Variants in KCNB2 observed in about 807,000 individuals in gnomAD.
The protein encoded by KCNB2 is potassium voltage-gated channel subfamily B member 2.
Under a neutral mutation model 61.5 loss-of-function variants are expected in KCNB2, and 15 were observed. That is an observed-to-expected ratio of 0.24 (90% CI 0.16 to 0.38). KCNB2 has a LOEUF of 0.38. Ranked by LOEUF, KCNB2 falls within the 10% of genes least tolerant of loss-of-function variation. KCNB2 has a pLI of 1.00. For missense variants in KCNB2, 828 were observed against 1,125.2 expected (o/e 0.74, Z 3.78); for synonymous variants, 457 against 446.0 (o/e 1.02, Z -0.31).
At chr8:72,835,955 T>C (rs1177667383) in intron 2 of KCNB2, among the ~76,000 whole-genome samples, 1 of 152,244 alleles carries the variant, frequency 6.6e-6, no homozygotes, top group African/African-American at 2.4e-5. Context: ...ACTGCCTTTT[T>C]CCTTGTCTTT....
rs533945132 is a variant in KCNB2, at chr8:72,580,303, A to T, written c.579+11990A>T. On this transcript the variant is annotated intron_variant, in intron 2 of 2. Transcript: ENST00000523207. ...ACACATCATTAATTGTATTACAGAG[A>T]TTAGAGAGTTGAAACCCAGAAATAT... Among the ~76,000 whole-genome samples the T allele has an allele frequency of 5.9e-5, 9 of 152,308 alleles. No homozygotes were observed. The South Asian group carries it at 1.7e-3, about 28-fold the overall frequency.
At chr8:72,619,228 G>A in intron 2 of KCNB2, 1 of 586,402 alleles carries the variant, frequency 1.7e-6, no homozygotes, top group Non-Finnish European at 3.4e-6. Context: ...AGCTAGTGAG[G>A]TATCTTTAGT....
intron 2 of KCNB2, among the ~76,000 whole-genome samples, chr8:72,816,583 C>T (rs1809400197): frequency 6.6e-6 from 1 of 152,170 alleles, no homozygotes; most frequent in Admixed American, 6.5e-5. Flanking sequence ...TTTAATCAGA[C>T]TATGTAGATG....
intron 2 of KCNB2, among the ~76,000 whole-genome samples, chr8:72,764,742 T>C (rs1388955401): frequency 1.3e-5 from 2 of 152,214 alleles, no homozygotes; most frequent in Non-Finnish European, 1.5e-5. Flanking sequence ...CAATTCCTGA[T>C]TGCTTATGCA....
chr8:72,672,509 C>G (rs1822063), intron 2 of KCNB2, among the ~76,000 whole-genome samples: 65,676 of 151,972 alleles, frequency 0.43, 17,913 homozygotes, highest in East Asian at 0.76. Context: ...GCACCATAAG[C>G]CTTTGGGCAA....
intron 1 of KCNB2, among the ~76,000 whole-genome samples, chr8:72,547,177 C>G (rs1292703286): frequency 6.6e-6 from 1 of 152,202 alleles, no homozygotes; most frequent in Non-Finnish European, 1.5e-5. Flanking sequence ...TTAGAACCTA[C>G]TGCTTATGAA....
chr8:72,545,412 A>G (rs1563518815), intron 1 of KCNB2, among the ~76,000 whole-genome samples: 1 of 152,154 alleles, frequency 6.6e-6, no homozygotes, highest in African/African-American at 2.4e-5. Context: ...TCTGTGTCAC[A>G]TTTTGGTAAT....
chr8:72,730,115 A>G (rs934246882), intron 2 of KCNB2, among the ~76,000 whole-genome samples: 8 of 152,094 alleles, frequency 5.3e-5, no homozygotes, highest in African/African-American at 1.9e-4. Flanking sequence ...GAAGCCCCCA[A>G]TTCTGTCTGC....
At chr8:72,802,111 C>T (rs1809142555) in intron 2 of KCNB2, among the ~76,000 whole-genome samples, 1 of 152,154 alleles carries the variant, frequency 6.6e-6, no homozygotes, top group African/African-American at 2.4e-5. Flanking sequence ...CAGAACTTGA[C>T]TTGCTTCTTT....
At chr8:72,884,221 C>T (rs994067803) in intron 2 of KCNB2, among the ~76,000 whole-genome samples, 10 of 152,116 alleles carry the variant, frequency 6.6e-5, no homozygotes, top group African/African-American at 2.4e-4. Flanking sequence ...TTTCTCACAC[C>T]ATAGATTGTC....
At chr8:72,572,587 TCACACAGACA>T (rs983243817) in intron 2 of KCNB2, among the ~76,000 whole-genome samples, 2 of 151,162 alleles carry the variant, frequency 1.3e-5, no homozygotes, top group African/African-American at 4.9e-5. Flanking sequence ...TCTCTCTCTC[TCACACAGACA>T]CACACAGACA....
At chr8:72,603,238 A>G (rs1249923963) in intron 2 of KCNB2, among the ~76,000 whole-genome samples, 1 of 152,168 alleles carries the variant, frequency 6.6e-6, no homozygotes, top group Non-Finnish European at 1.5e-5. Flanking sequence ...CCTGGCACAC[A>G]AGGCCTTTCA....
At chr8:72,545,312 T>G (rs922560671) in intron 1 of KCNB2, among the ~76,000 whole-genome samples, 2 of 152,212 alleles carry the variant, frequency 1.3e-5, no homozygotes, top group Admixed American at 1.3e-4. Flanking sequence ...TAACAGATGC[T>G]GCGATTTTCA....
chr8:72,584,419 G>T (rs1045091654), intron 2 of KCNB2, among the ~76,000 whole-genome samples: 1 of 152,018 alleles, frequency 6.6e-6, no homozygotes, highest in Non-Finnish European at 1.5e-5. Context: ...CTCAGGGCTG[G>T]TTCCATTTAA....
intron 2 of KCNB2, among the ~76,000 whole-genome samples, chr8:72,586,246 C>T (rs1585767710): frequency 6.6e-6 from 1 of 152,170 alleles, no homozygotes; most frequent in Admixed American, 6.5e-5. Context: ...GTGTCAACTC[C>T]ACTTTGAACA....
intron 2 of KCNB2, among the ~76,000 whole-genome samples, chr8:72,852,498 C>T (rs1810133593): frequency 6.6e-6 from 1 of 152,030 alleles, no homozygotes; most frequent in African/African-American, 2.4e-5. Context: ...TATTGCAGGG[C>T]CCGTAGTTCT....
chr8:72,926,300 GTTC>G (rs1806647592), intron 2 of KCNB2, among the ~76,000 whole-genome samples: 1 of 152,040 alleles, frequency 6.6e-6, no homozygotes, highest in African/African-American at 2.4e-5. Flanking sequence ...ATAACCTAAA[GTTC>G]TTATTAGAAT....
At chr8:72,712,805 G>C (rs763295757) in intron 2 of KCNB2, among the ~76,000 whole-genome samples, 36 of 152,266 alleles carry the variant, frequency 2.4e-4, no homozygotes, top group Non-Finnish European at 4.9e-4. Flanking sequence ...GGAGTGCTGG[G>C]CAGTGGGTTC....
At chr8:72,700,685 CAAAGTACTT>C (rs1807106124) in intron 2 of KCNB2, among the ~76,000 whole-genome samples, 1 of 152,114 alleles carries the variant, frequency 6.6e-6, no homozygotes, top group Admixed American at 6.6e-5. Context: ...GGAGATTTCT[CAAAGTACTT>C]AAAACAGAGC....
Sources: allele counts gnomAD v4.1 joint callset (sites outside exome capture counted in the v4.1 genomes callset), GRCh38; gene constraint gnomAD v4.1.1; transcripts MANE v1.5; gene names NCBI Gene and HGNC (gene_info 2026-07-23, HGNC 2026-07-21).